PCNX2: variants seen among roughly 807,000 people sequenced by gnomAD.
The protein encoded by PCNX2 is pecanex-like protein 2.
Under a neutral mutation model 223.8 loss-of-function variants are expected in PCNX2, and 168 were observed. The ratio of observed to expected loss-of-function variants is 0.75; its 90% CI spans 0.66 to 0.85. The LOEUF is 0.85. PCNX2 is among the 40% of genes least tolerant of loss of function. The probability of loss-of-function intolerance (pLI) is 0.00; values close to 1 mark genes in which losing one functional copy is unlikely to be tolerated. For synonymous variants in PCNX2, 1,006 were observed against 1,052.6 expected, an observed-to-expected ratio of 0.96 and a Z score of 0.86; for missense variants, 2,507 against 2,675.5, an observed-to-expected ratio of 0.94 and a Z score of 1.39.
chr1:233,236,343 T>A (rs1320498115), intron 9 of PCNX2, among the ~76,000 whole-genome samples: 1 of 152,188 alleles, frequency 6.6e-6, no homozygotes, highest in Non-Finnish European at 1.5e-5. Flanking sequence ...TGAACATTAA[T>A]AAGTTATCTC....
At chr1:233,261,376 C>T in intron 3 of PCNX2, 55 bp from the exon 4 acceptor site, 3 of 1,540,102 alleles carry the variant, frequency 1.9e-6, no homozygotes, top group Non-Finnish European at 1.8e-6. Context: ...CCGTCCATTT[C>T]CAGACAGTCG....
intron 21 of PCNX2, among the ~76,000 whole-genome samples, chr1:233,127,970 G>C (rs1381363812): frequency 1.3e-5 from 2 of 152,132 alleles, no homozygotes; most frequent in Non-Finnish European, 2.9e-5. Flanking sequence ...TTAAAAAGTG[G>C]CTCAATTTTA....
At chr1:233,319,625 G>A in the PCNX2 span, among the ~76,000 whole-genome samples, 2 of 152,216 alleles carry the variant, frequency 1.3e-5, no homozygotes, top group Non-Finnish European at 2.9e-5. Context: ...GTTATCACAA[G>A]GTTTTGAACA....
chr1:233,144,255 C>T (rs12048495), intron 19 of PCNX2, among the ~76,000 whole-genome samples: 23,435 of 152,028 alleles, frequency 0.15, 2,116 homozygotes, highest in East Asian at 0.36. Flanking sequence ...AGGCACTACC[C>T]GGAAAATATT....
At chr1:233,213,771 G>A (rs1681956938) in intron 12 of PCNX2, among the ~76,000 whole-genome samples, 1 of 147,986 alleles carries the variant, frequency 6.8e-6, no homozygotes, top group African/African-American at 2.5e-5. Flanking sequence ...CTTAGTATAC[G>A]CTAAAGCCTG....
rs534196380 is a variant in PCNX2, at chr1:233,220,320, G to A, written c.2505-2136C>T. On this transcript the variant is annotated intron_variant, in intron 10 of 33. Transcript: ENST00000258229. Reference sequence around the variant, plus strand: ...CACCAAGGAGCATGATTGTTAGATCGTGTGGTGAACAATATGTTTAGTTTT... The same window carrying A: ...CACCAAGGAGCATGATTGTTAGATCATGTGGTGAACAATATGTTTAGTTTT... Among the ~76,000 whole-genome samples, 24 of 152,328 alleles carry A rather than the reference G, an allele frequency of 1.6e-4. No homozygotes were observed. In the East Asian group the frequency reaches 2.5e-3, roughly 16 times the overall value.
chr1:233,273,325 A>T (rs1660742944), intron 1 of PCNX2, among the ~76,000 whole-genome samples: 1 of 151,958 alleles, frequency 6.6e-6, no homozygotes, highest in Admixed American at 6.6e-5. Flanking sequence ...GTGCTGTGTG[A>T]GCCATGGAAG....
chr1:233,310,057 A>G, the PCNX2 span, among the ~76,000 whole-genome samples: 1 of 152,290 alleles, frequency 6.6e-6, no homozygotes, highest in East Asian at 1.9e-4. Context: ...CTTATATACA[A>G]TGTACCATCA....
At position 233,093,032 on chromosome 1, in the gene PCNX2, C is replaced by T. The variant is rs529111315; in HGVS notation, c.3946+2723G>A. Among the ~76,000 whole-genome samples the T allele has an allele frequency of 3.3e-5, 5 of 152,274 alleles. No homozygotes were observed. In the South Asian group the frequency reaches 6.2e-4, roughly 19 times the overall value. ...GCCAGGATGGTCTCAATCTCCTGAC[C>T]TCATGATCTGCCCTCCTTGGCCTCC... is the stretch of plus-strand genomic sequence containing the variant. On this transcript the variant is annotated intron_variant, in intron 22 of 33. Transcript: ENST00000258229.
At chr1:233,134,902 A>G in intron 21 of PCNX2, 111 bp downstream of exon 21, 2 of 926,260 alleles carry the variant, frequency 2.2e-6, no homozygotes, top group Non-Finnish European at 3.3e-6. Flanking sequence ...ATTCAATTTC[A>G]TATCCTCCCA....
chr1:233,119,948 C>T (rs1358413971), intron 21 of PCNX2, among the ~76,000 whole-genome samples: 2 of 151,772 alleles, frequency 1.3e-5, no homozygotes, highest in Non-Finnish European at 1.5e-5. Flanking sequence ...GGGTGGATCA[C>T]CTGAGGTCAG....
chr1:233,128,999 C>T (rs372597224), intron 21 of PCNX2, among the ~76,000 whole-genome samples: 13 of 147,758 alleles, frequency 8.8e-5, no homozygotes, highest in South Asian at 2.2e-4. Flanking sequence ...GGCGCCTCCT[C>T]GGCCTTGGCG....
At chr1:233,318,563 C>CTTTTTTTTTTTTTTTTTTTTTTT in the PCNX2 span, among the ~76,000 whole-genome samples, 9 of 92,502 alleles carry the variant, frequency 9.7e-5, no homozygotes, top group African/African-American at 2.8e-4. Flanking sequence ...TTTTCTTTTT[C>CTTTTTTTTTTTTTTTTTTTTTTT]TTTTTTTTTT....
At chr1:233,002,023 A>G (rs533995571) in intron 28 of PCNX2, among the ~76,000 whole-genome samples, 20 of 152,270 alleles carry the variant, frequency 1.3e-4, no homozygotes, top group African/African-American at 3.6e-4. Flanking sequence ...ATCTACCCCA[A>G]TGAAACCCCA....
At chr1:233,235,904 G>A (rs58400040) in intron 9 of PCNX2, among the ~76,000 whole-genome samples, 4,066 of 141,944 alleles carry the variant, frequency 0.029, 193 homozygotes, top group African/African-American at 0.099. Context: ...AGCCAGCCAC[G>A]TTGTATTGTT....
chr1:233,276,013 G>A (rs10910125), intron 1 of PCNX2, among the ~76,000 whole-genome samples: 13,350 of 151,672 alleles, frequency 0.088, 702 homozygotes, highest in South Asian at 0.17. Flanking sequence ...CCTGATGACT[G>A]AGCGAGACTG....
chr1:233,114,594 A>G (rs1675300843), intron 21 of PCNX2, among the ~76,000 whole-genome samples: 1 of 152,084 alleles, frequency 6.6e-6, no homozygotes, highest in Non-Finnish European at 1.5e-5. Flanking sequence ...CTTGGAAGTT[A>G]TTTTTACAAG....
At chr1:233,314,916 T>C in the PCNX2 span, among the ~76,000 whole-genome samples, 1 of 152,344 alleles carries the variant, frequency 6.6e-6, no homozygotes. Context: ...GACCCTGTGA[T>C]TAAGTAGCAA....
intron 15 of PCNX2, among the ~76,000 whole-genome samples, chr1:233,182,242 G>A (rs1257012064): frequency 6.6e-6 from 1 of 152,154 alleles, no homozygotes; most frequent in Non-Finnish European, 1.5e-5. Flanking sequence ...ACTTGATGAC[G>A]GACACCTGAG....
Sources: gnomAD v4.1 joint callset for allele counts (sites outside exome capture counted in the v4.1 genomes callset) on GRCh38, gnomAD v4.1.1 for gene constraint, MANE v1.5 for transcripts, NCBI Gene and HGNC (gene_info 2026-07-23, HGNC 2026-07-21) for gene names.